Variants in RHOU observed in about 807,000 individuals in gnomAD.
RHOU encodes ras homolog family member U, also known as rho-related GTP-binding protein RhoU.
Under a neutral mutation model 12.6 loss-of-function variants are expected in RHOU, and 8 were observed. The observed-to-expected ratio is 0.64, with a 90% CI of 0.37 to 1.15. The LOEUF (loss-of-function observed/expected upper bound fraction) is 1.15, where lower values mean the gene tolerates loss of function less well. Ranked by LOEUF, RHOU falls within the 50% of genes most tolerant of loss-of-function variation. The pLI, the probability that RHOU is intolerant of heterozygous loss-of-function variation, is 0.01. For synonymous variants in RHOU, 161 were observed against 147.4 expected (o/e 1.09, Z -0.67); for missense variants, 258 against 347.0 (o/e 0.74, Z 2.04).
chr1:228,646,966 G>T, the RHOU span, among the ~76,000 whole-genome samples: 1 of 152,162 alleles, frequency 6.6e-6, no homozygotes, highest in Non-Finnish European at 1.5e-5. Flanking sequence ...CAGAGAAAGG[G>T]AGAAGTACAG....
At chr1:228,708,853 C>T in the RHOU span, among the ~76,000 whole-genome samples, 1 of 152,254 alleles carries the variant, frequency 6.6e-6, no homozygotes, top group South Asian at 2.1e-4. Context: ...AATTAAAAGA[C>T]ACAGACTGTC....
chr1:228,701,395 G>C, the RHOU span, among the ~76,000 whole-genome samples: 1 of 152,216 alleles, frequency 6.6e-6, no homozygotes, highest in South Asian at 2.1e-4. Flanking sequence ...AATAAAGACA[G>C]CATTAGACAG....
chr1:228,714,649 T>C, the RHOU span, among the ~76,000 whole-genome samples: 1 of 152,038 alleles, frequency 6.6e-6, no homozygotes, highest in Non-Finnish European at 1.5e-5. Flanking sequence ...GTTTCAATAG[T>C]TATTTCTCCT....
At chr1:228,706,722 T>C in the RHOU span, among the ~76,000 whole-genome samples, 2 of 152,236 alleles carry the variant, frequency 1.3e-5, no homozygotes, top group Non-Finnish European at 2.9e-5. Context: ...ATGGGTTTTC[T>C]CTATCATCTT....
At position 228,743,837 on chromosome 1, in the gene RHOU, C is replaced by T. The variant is rs975891312; in HGVS notation, c.*97C>T. 1.4e-5 allele frequency: 14 copies of T among 1,010,230 alleles called. No homozygotes were observed. The highest frequency in any genetic ancestry group is 6.6e-5 in the South Asian group (4 of 60,232). 62.6% of individuals were successfully genotyped at this position (1,010,230 alleles called of 1,614,324 possible). ...TCCTTTTACTGCGTAGAACCTATAT[C>T]GAGAGTGTGTGTATATGTATTATAG... On this transcript the variant is annotated 3_prime_UTR_variant, in exon 3 of 3. Transcript: ENST00000366691. This position sits in a 1 kb window ranked among gnomAD's most constrained non-coding sequence, Gnocchi z 5.1.
At chr1:228,708,867 T>C in the RHOU span, among the ~76,000 whole-genome samples, 3 of 152,162 alleles carry the variant, frequency 2.0e-5, no homozygotes, top group East Asian at 1.9e-4. Context: ...GACTGTCAAA[T>C]TGGATAAAGA....
the RHOU span, among the ~76,000 whole-genome samples, chr1:228,695,953 G>T: frequency 6.6e-6 from 1 of 152,178 alleles, no homozygotes; most frequent in Non-Finnish European, 1.5e-5. Context: ...CTGCCTAGGG[G>T]CTGCCAGCCA....
At chr1:228,658,572 C>CT in the RHOU span, among the ~76,000 whole-genome samples, 1 of 152,152 alleles carries the variant, frequency 6.6e-6, no homozygotes, top group Non-Finnish European at 1.5e-5. Flanking sequence ...AAATAAATGT[C>CT]TGTTTTTTAA....
At chr1:228,658,650 C>T in the RHOU span, among the ~76,000 whole-genome samples, 2 of 152,144 alleles carry the variant, frequency 1.3e-5, no homozygotes, top group Non-Finnish European at 2.9e-5. Flanking sequence ...CTTAAACAAC[C>T]AATGGGTTAA....
intron 2 of RHOU, among the ~76,000 whole-genome samples, chr1:228,739,785 C>G (rs796381426): frequency 1.3e-5 from 2 of 152,384 alleles, no homozygotes; most frequent in African/African-American, 4.8e-5. Flanking sequence ...AGTGTTGGCT[C>G]TTCAAGCAGG....
intron 2 of RHOU, among the ~76,000 whole-genome samples, chr1:228,739,537 T>C (rs2102717094): frequency 6.6e-6 from 1 of 152,290 alleles, no homozygotes; most frequent in South Asian, 2.1e-4. Context: ...CCCTGCAGCC[T>C]GGTTGACAGA....
the RHOU span, among the ~76,000 whole-genome samples, chr1:228,675,144 C>T: frequency 3.3e-5 from 5 of 152,142 alleles, no homozygotes. Context: ...TCATTTTCCT[C>T]CTTATTGATA....
the RHOU span, among the ~76,000 whole-genome samples, chr1:228,668,237 A>G: frequency 0.039 from 6,013 of 152,318 alleles, 401 homozygotes; most frequent in African/African-American, 0.14. Context: ...ACCTTGCTGT[A>G]TATACCTTTG....
At chr1:228,672,934 C>T in the RHOU span, among the ~76,000 whole-genome samples, 1 of 152,132 alleles carries the variant, frequency 6.6e-6, no homozygotes, top group African/African-American at 2.4e-5. Context: ...GCCCGATTTC[C>T]ACCTGTAATT....
Position 228,739,308 on chromosome 1 carries a change from G to A in RHOU, c.321+1577G>A, listed in dbSNP as rs1471319549. Among the ~76,000 whole-genome samples, 6 of 152,260 alleles carry A rather than the reference G, an allele frequency of 3.9e-5. No individual in the cohort carries two copies. The South Asian group carries it at 1.0e-3, about 26-fold the overall frequency. On this transcript the variant is annotated intron_variant, in intron 2 of 2. Coordinates refer to ENST00000366691, the MANE Select transcript of RHOU (RefSeq NM_021205.6). ...CAGCCAGGCGCGGTTGCTCACGCCT[G>A]TAATCCCAGCACTTTGGGAGGCTGA...
chr1:228,721,928 C>A, the RHOU span, among the ~76,000 whole-genome samples: 4 of 152,230 alleles, frequency 2.6e-5, no homozygotes, highest in African/African-American at 9.6e-5. Flanking sequence ...GCTGGGATTA[C>A]AGGCGTGAGC....
chr1:228,672,130 G>A, the RHOU span, among the ~76,000 whole-genome samples: 1 of 152,132 alleles, frequency 6.6e-6, no homozygotes, highest in Non-Finnish European at 1.5e-5. Context: ...AAAAATCTAG[G>A]GCCTTCATTT....
At chr1:228,741,500 C>T (rs1039671093) in intron 2 of RHOU, among the ~76,000 whole-genome samples, 1 of 152,104 alleles carries the variant, frequency 6.6e-6, no homozygotes, top group Non-Finnish European at 1.5e-5. Flanking sequence ...CCTGAGGGGG[C>T]TGCCTTAATA....
At position 228,735,794 on chromosome 1, in the gene RHOU, C is replaced by T. The variant is rs1282254324; in HGVS notation, c.52C>T (p.Pro18Ser). 5.8e-6 allele frequency: 7 copies of T among 1,217,042 alleles called. No individual in the cohort carries two copies. Among genetic ancestry groups the T allele is most frequent in the Non-Finnish European group, 7.1e-6 (7 of 979,634 alleles). 75.4% of individuals were successfully genotyped at this position (1,217,042 alleles called of 1,614,324 possible). Residue 18 changes from proline to serine, a missense_variant, in exon 1 of 3, where the codon CCG (proline) becomes TCG (serine). Physicochemically the swap from Pro to Ser is moderately conservative, Grantham distance 74 (BLOSUM62 -1). Transcript: ENST00000366691. The surrounding 1 kb of genome is among the most constrained non-coding windows in gnomAD (Gnocchi z 8.1). ...GTTCCCCGACCGCTGCGAGGCGCCT[C>T]CGGTGCCGCCGCGTCGGGAGCGCGG... ...PAFPDRCEAPPVPPRRERGGR... is the reference protein window; with the variant it reads ...PAFPDRCEAPSVPPRRERGGR...
Sources: gnomAD v4.1 joint callset for allele counts (sites outside exome capture counted in the v4.1 genomes callset) on GRCh38, gnomAD v4.1.1 for gene constraint, Gnocchi (gnomAD v3.1) non-coding constraint, MANE v1.5 for transcripts, NCBI Gene and HGNC (gene_info 2026-07-23, HGNC 2026-07-21) for gene names.